MTUS2: variants seen among roughly 807,000 people sequenced by gnomAD.
The protein encoded by MTUS2 is microtubule associated scaffold protein 2.
MTUS2 carries 40 observed loss-of-function variants against 114.1 expected under a neutral mutation model. The observed-to-expected ratio is 0.35, with a 90% confidence interval of 0.27 to 0.46. The LOEUF (loss-of-function observed/expected upper bound fraction) is 0.46, where lower values mean the gene tolerates loss of function less well. Ranked by LOEUF, MTUS2 falls within the 20% of genes least tolerant of loss-of-function variation. The pLI, the probability that MTUS2 is intolerant of heterozygous loss-of-function variation, is 1.00. For synonymous variants in MTUS2, 688 were observed against 672.0 expected, an observed-to-expected ratio of 1.02 and a Z score of -0.37; for missense variants, 1,679 against 1,705.4, an observed-to-expected ratio of 0.98 and a Z score of 0.27.
At chr13:29,332,729 G>A (rs765961834) in intron 7 of MTUS2, among the ~76,000 whole-genome samples, 32 of 151,132 alleles carry the variant, frequency 2.1e-4, no homozygotes, top group Non-Finnish European at 4.6e-4. Flanking sequence ...CCACCTCCTG[G>A]GTTCATGCCA....
chr13:29,137,771 C>T (rs1340215726), intron 5 of MTUS2, among the ~76,000 whole-genome samples: 7 of 125,850 alleles, frequency 5.6e-5, no homozygotes, highest in East Asian at 2.4e-4. Context: ...TGCACACCAC[C>T]GTGCCTGGTT....
At chr13:28,924,692 G>C (rs1055266814) in intron 2 of MTUS2, among the ~76,000 whole-genome samples, 3 of 152,188 alleles carry the variant, frequency 2.0e-5, no homozygotes, top group Non-Finnish European at 2.9e-5. Flanking sequence ...CGGCTGATGG[G>C]GAGGGTTCTG....
intron 2 of MTUS2, among the ~76,000 whole-genome samples, chr13:28,984,035 T>TCAGTGGG (rs1256246318): frequency 2.0e-5 from 3 of 152,206 alleles, no homozygotes; most frequent in Admixed American, 2.0e-4. Flanking sequence ...AGCTCTATGT[T>TCAGTGGG]CAGTGGGCTT....
At chr13:29,016,885 T>C (rs939863314) in intron 2 of MTUS2, among the ~76,000 whole-genome samples, 1 of 152,198 alleles carries the variant, frequency 6.6e-6, no homozygotes, top group Non-Finnish European at 1.5e-5. Flanking sequence ...AAAGAATAAT[T>C]CAGTTTTTAA....
chr13:28,861,139 A>C (rs986531620), intron 2 of MTUS2, among the ~76,000 whole-genome samples: 3 of 152,208 alleles, frequency 2.0e-5, no homozygotes, highest in African/African-American at 7.2e-5. Flanking sequence ...TTGTGGCATT[A>C]AGTAGAGAAA....
chr13:29,287,418 A>G (rs1398460378), intron 6 of MTUS2, among the ~76,000 whole-genome samples: 1 of 152,040 alleles, frequency 6.6e-6, no homozygotes, highest in African/African-American at 2.4e-5. Flanking sequence ...GGTGGAGCAC[A>G]CCCCACACTA....
At chr13:29,119,866 G>GGCATTCTGT (rs1891235692) in intron 5 of MTUS2, among the ~76,000 whole-genome samples, 2 of 152,090 alleles carry the variant, frequency 1.3e-5, no homozygotes, top group Admixed American at 1.3e-4. Flanking sequence ...CAGCTAGCTG[G>GGCATTCTGT]GCATTCTGTG....
intron 2 of MTUS2, among the ~76,000 whole-genome samples, chr13:28,992,521 G>A (rs1417314316): frequency 6.6e-6 from 1 of 152,076 alleles, no homozygotes; most frequent in East Asian, 1.9e-4. Context: ...TTACAGCATT[G>A]CATACTGTGA....
chr13:29,343,064 T>C (rs1310155403), intron 7 of MTUS2, among the ~76,000 whole-genome samples: 1 of 146,014 alleles, frequency 6.8e-6, no homozygotes, highest in Non-Finnish European at 1.6e-5. Context: ...CATTAACTAG[T>C]ATTTTGTTGA....
At chr13:28,885,437 A>G (rs545170985) in intron 2 of MTUS2, among the ~76,000 whole-genome samples, 48 of 152,160 alleles carry the variant, frequency 3.2e-4, no homozygotes, top group African/African-American at 1.1e-3. Flanking sequence ...ATTTAGGGGG[A>G]TTAAGTGTTC....
intron 9 of MTUS2, among the ~76,000 whole-genome samples, chr13:29,457,758 C>A (rs1463363186): frequency 6.6e-6 from 1 of 152,100 alleles, no homozygotes; most frequent in Non-Finnish European, 1.5e-5. Context: ...TTGCACCCTC[C>A]CCAGCAATCT....
chr13:28,877,065 G>T (rs1877979128), intron 2 of MTUS2, among the ~76,000 whole-genome samples: 1 of 151,416 alleles, frequency 6.6e-6, no homozygotes, highest in South Asian at 2.1e-4. Flanking sequence ...GGCCGAGGTG[G>T]GCGGATCACG....
chr13:28,990,522 T>C (rs9508212), intron 2 of MTUS2, among the ~76,000 whole-genome samples: 1 of 139,414 alleles, frequency 7.2e-6, no homozygotes, highest in South Asian at 2.3e-4. Context: ...TGTAAAAATG[T>C]ACCAATCAGC....
intron 4 of MTUS2, among the ~76,000 whole-genome samples, chr13:29,063,049 C>A (rs1235056918): frequency 6.6e-6 from 1 of 152,174 alleles, no homozygotes; most frequent in African/African-American, 2.4e-5. Context: ...TACAGCAGAA[C>A]TATTACCTCC....
At chr13:28,951,534 C>T (rs1882807740) in intron 2 of MTUS2, among the ~76,000 whole-genome samples, 1 of 152,106 alleles carries the variant, frequency 6.6e-6, no homozygotes, top group African/African-American at 2.4e-5. Context: ...TGCAGTGGCT[C>T]ACACCTGTAA....
intron 8 of MTUS2, among the ~76,000 whole-genome samples, chr13:29,384,527 C>T (rs1030775205): frequency 2.6e-5 from 4 of 152,196 alleles, no homozygotes; most frequent in African/African-American, 7.2e-5. Context: ...TTCTGAATTC[C>T]CATGTCCTTT....
intron 8 of MTUS2, chr13:29,428,659 C>T (rs1243738425): frequency 8.0e-7 from 1 of 1,256,474 alleles, no homozygotes; most frequent in Non-Finnish European, 1.0e-6. Flanking sequence ...CTCTCCTCCT[C>T]CTCTCATTCC....
chr13:28,996,655 A>G (rs544536984), intron 2 of MTUS2, among the ~76,000 whole-genome samples: 17 of 152,118 alleles, frequency 1.1e-4, no homozygotes, highest in African/African-American at 3.9e-4. Context: ...GAATTTATCC[A>G]TTTCTTCTAG....
At chr13:29,189,391 T>A (rs867034777) in intron 5 of MTUS2, among the ~76,000 whole-genome samples, 1 of 152,206 alleles carries the variant, frequency 6.6e-6, no homozygotes, top group African/African-American at 2.4e-5. Context: ...TGGAGTGATA[T>A]GCTCCCATGC....
Sources: allele counts gnomAD v4.1 joint callset (sites outside exome capture counted in the v4.1 genomes callset), GRCh38; gene constraint gnomAD v4.1.1; transcripts MANE v1.5; gene names NCBI Gene and HGNC (gene_info 2026-07-23, HGNC 2026-07-21).